Variants in TRPM4 observed in about 807,000 individuals in gnomAD.
TRPM4 encodes calcium-activated non-selective cation channel 1.
In TRPM4, 124 loss-of-function variants were observed where a neutral mutation model predicts 135.6. The observed-to-expected ratio is 0.91, with a 90% CI of 0.79 to 1.06. The LOEUF is 1.06. TRPM4 is among the 50% of genes least tolerant of loss of function. The probability of loss-of-function intolerance (pLI) is 0.00; values close to 1 mark genes in which losing one functional copy is unlikely to be tolerated. For synonymous variants in TRPM4, 745 were observed against 705.6 expected (o/e 1.06, Z -0.88); for missense variants, 1,658 against 1,671.4 (o/e 0.99, Z 0.14).
At position 49,168,706 on chromosome 19, in the gene TRPM4, T is replaced by C. The variant is rs1319689867; in HGVS notation, c.766T>C (p.Tyr256His). Residue 256 changes from tyrosine to histidine, a missense_variant, in exon 6 of 25, where the codon TAC (tyrosine) becomes CAC (histidine). Tyr to His is a moderately conservative substitution (Grantham distance 83). Transcript: ENST00000252826. ...ENRFRLRLES[Y>H]ISQQKTGVGG... is the part of the protein sequence containing the mutation. Reference sequence around the variant, plus strand: ...CCGCTTCCGCTTGCGCCTGGAGTCCTACATCTCACAGCAGAAGACGGGCGT... The same window carrying C: ...CCGCTTCCGCTTGCGCCTGGAGTCCCACATCTCACAGCAGAAGACGGGCGT... 6.2e-7 allele frequency: 1 copy of C among 1,605,164 alleles called. No individual in the cohort carries two copies. The highest frequency in any genetic ancestry group is 8.5e-7 in the Non-Finnish European group (1 of 1,176,524).
rs752543162 is a variant in TRPM4, at chr19:49,196,805, A to G, written c.2576A>G (p.Tyr859Cys). 1.3e-5 allele frequency: 21 copies of G among 1,584,898 alleles called. 1 individual carries two copies. The South Asian group carries it at 2.4e-4, about 18-fold the overall frequency. ...TCACTGAGCCAGCGCCTGCGCCTCTACCTCGCCGACAGCTGGAACCAGTGC... is the reference window on the plus strand; with the variant it reads ...TCACTGAGCCAGCGCCTGCGCCTCTGCCTCGCCGACAGCTGGAACCAGTGC... Reference protein sequence around the residue: ...HASLSQRLRLYLADSWNQCDL... With the variant: ...HASLSQRLRLCLADSWNQCDL... The change falls in exon 17 of 25, where the codon TAC becomes TGC. Residue 859 changes from tyrosine to cysteine, a missense_variant. Coordinates refer to ENST00000252826, the MANE Select transcript of TRPM4 (RefSeq NM_017636.4).
At chr19:49,173,380 CTCCATCCACCCATCT>C (rs995834979) in intron 9 of TRPM4, among the ~76,000 whole-genome samples, 1 of 152,092 alleles carries the variant, frequency 6.6e-6, no homozygotes, top group Non-Finnish European at 1.5e-5. Context: ...TCACTCATTC[CTCCATCCACCCATCT>C]TCCATCCATT....
chr19:49,158,234 T>C lies in TRPM4; in HGVS notation c.67T>C (p.Phe23Leu). ...KIFKKKTCTTFIVDSTDPGGT... is the reference protein window; with the variant it reads ...KIFKKKTCTTLIVDSTDPGGT... ...CTTCAAGAAGAAGACCTGCACGACG[T>C]TCATAGTTGACTCCACAGATCCGGG... is the stretch of plus-strand genomic sequence containing the variant. The change falls in exon 2 of 25, where the codon TTC (phenylalanine) becomes CTC (leucine). Residue 23 changes from phenylalanine to leucine, a missense_variant. Physicochemically the swap from Phe to Leu is conservative, Grantham distance 22. Transcript: ENST00000252826. 6.2e-7 allele frequency: 1 copy of C among 1,613,766 alleles called. No individual in the cohort carries two copies. The highest frequency in any genetic ancestry group is 8.5e-7 in the Non-Finnish European group (1 of 1,179,944).
chr19:49,199,926 C>T (rs541757617), intron 17 of TRPM4, among the ~76,000 whole-genome samples: 2 of 152,130 alleles, frequency 1.3e-5, no homozygotes, highest in East Asian at 1.9e-4. Context: ...GTGAATTGTA[C>T]GTGGTATCCT....
At position 49,168,250 on chromosome 19, in the gene TRPM4, G is replaced by T. The variant is rs78444754; in HGVS notation, c.449-10G>T. ...CCCCTGCCTCTGCATGTTCCTCGGC[G>T]TCTGTGTAGGAGCCTGGATTGTCAC... On this transcript the variant is annotated splice_polypyrimidine_tract_variant and intron_variant, in intron 4 of 24. Transcript: ENST00000252826. 6.2e-7 allele frequency: 1 copy of T among 1,613,898 alleles called. No homozygotes were observed.
At chr19:49,201,745 G>A (rs1249714426) in intron 19 of TRPM4, among the ~76,000 whole-genome samples, 3 of 152,074 alleles carry the variant, frequency 2.0e-5, no homozygotes, top group African/African-American at 7.2e-5. Context: ...CTACAGGCGC[G>A]TGCCACCACG....
intron 14 of TRPM4, among the ~76,000 whole-genome samples, chr19:49,189,965 A>G (rs1283189613): frequency 6.6e-6 from 1 of 152,176 alleles, no homozygotes; most frequent in Non-Finnish European, 1.5e-5. Context: ...CGGTGGACTA[A>G]TCTACATAAA....
intron 2 of TRPM4, among the ~76,000 whole-genome samples, chr19:49,162,050 A>C (rs1386269122): frequency 6.6e-6 from 1 of 152,200 alleles, no homozygotes; most frequent in Non-Finnish European, 1.5e-5. Context: ...AGCAAGAGAA[A>C]GCCACAAACA....
At chr19:49,190,811 C>T in intron 16 of TRPM4, 38 bp downstream of exon 16, 1 of 1,596,816 alleles carries the variant, frequency 6.3e-7, no homozygotes, top group Non-Finnish European at 8.6e-7. Context: ...GGTGGGGACA[C>T]CCTGGGCAGT....
In TRPM4 at chr19:49,196,687, T is replaced by C. The variant is rs1968658664; in HGVS notation, c.2458T>C (p.Trp820Arg). ...PGSLELLLYFWAFTLLCEELR... is the reference protein window; with the variant it reads ...PGSLELLLYFRAFTLLCEELR... ...CTCCCTGGAGCTGCTGCTCTATTTC[T>C]GGGCTTTCACGCTGCTGTGCGAGGA... Residue 820 changes from tryptophan to arginine, a missense_variant, in exon 17 of 25, where the codon TGG (tryptophan) becomes CGG (arginine). This residue lies in a region of TRPM4 where 1,412 missense variants were observed against 1,408.7 expected (regional missense o/e 1.00). Transcript: ENST00000252826. 2 of 1,551,224 alleles carry C rather than the reference T, an allele frequency of 1.3e-6. No individual in the cohort carries two copies. The highest frequency in any genetic ancestry group is 1.7e-6 in the Non-Finnish European group (2 of 1,153,862).
chr19:49,182,813 C>T lies in TRPM4; in HGVS notation c.1499C>T (p.Pro500Leu). 6.2e-7 allele frequency: 1 copy of T among 1,613,374 alleles called. No individual in the cohort carries two copies. Residue 500 changes from proline (P) to leucine (L), a missense_variant, in exon 11 of 25, where the codon CCC (proline) becomes CTC (leucine). Pro to Leu is a moderately conservative substitution (Grantham distance 98). Coordinates refer to ENST00000252826, the MANE Select transcript of TRPM4 (RefSeq NM_017636.4). The stretch of plus-strand genomic sequence containing the variant: ...AAAGGGGGAGCTGCGGAGCTCCGGC[C>T]CCCTGACGTGGGGCATGTGCTGAGG... Reference protein sequence around the residue: ...ALKGGAAELRPPDVGHVLRML... With the variant: ...ALKGGAAELRLPDVGHVLRML...
intron 9 of TRPM4, among the ~76,000 whole-genome samples, chr19:49,180,168 A>T (rs1036001957): frequency 5.3e-5 from 8 of 152,172 alleles, no homozygotes; most frequent in Non-Finnish European, 2.9e-5. Flanking sequence ...GAGCAAGTGG[A>T]GGCAGAAGGA....
intron 12 of TRPM4, among the ~76,000 whole-genome samples, chr19:49,183,464 T>G (rs565459742): frequency 1.3e-5 from 2 of 152,272 alleles, no homozygotes; most frequent in Admixed American, 6.5e-5. Context: ...TGGCGCAATC[T>G]TGGCTTACTG....
chr19:49,188,268 C>T (rs1968269779), intron 12 of TRPM4, among the ~76,000 whole-genome samples: 2 of 152,126 alleles, frequency 1.3e-5, no homozygotes, highest in South Asian at 4.1e-4. Flanking sequence ...TGATTTCTTT[C>T]ATTGTCATAA....
At chr19:49,166,567 T>C (rs1443533733) in intron 3 of TRPM4, among the ~76,000 whole-genome samples, 1 of 87,218 alleles carries the variant, frequency 1.1e-5, no homozygotes, top group African/African-American at 4.7e-5. Flanking sequence ...TGGGTCTCTG[T>C]CCCCCTCTCT....
In TRPM4 at chr19:49,168,747, G is replaced by A. The variant is rs771685892; in HGVS notation, c.796+11G>A. On this transcript the variant is annotated intron_variant, in intron 6 of 24. Coordinates refer to ENST00000252826, the MANE Select transcript of TRPM4 (RefSeq NM_017636.4). Reference sequence around the variant, plus strand: ...AGACGGGCGTGGGAGGTGAGTGGTCGAACCCATGACCCACAACCCACGACC... The same window carrying A: ...AGACGGGCGTGGGAGGTGAGTGGTCAAACCCATGACCCACAACCCACGACC... The A allele has an allele frequency of 2.8e-5, 45 of 1,578,998 alleles. No individual in the cohort carries two copies. Among genetic ancestry groups the A allele is most frequent in the Admixed American group, 2.2e-4 (12 of 54,300 alleles).
rs549445886 is a variant in TRPM4 at position 49,160,112 on chromosome 19, C to T, written c.92+1853C>T. Among the ~76,000 whole-genome samples, 3 of 152,234 alleles carry T rather than the reference C, an allele frequency of 2.0e-5. No homozygotes were observed. The South Asian group carries it at 6.2e-4, about 32-fold the overall frequency. ...GTGTTTGCTTAAGACTGGGAGGGGA[C>T]ACAAAATGTCACTAATGGTTTCTGG... On this transcript the variant is annotated intron_variant, in intron 2 of 24. Transcript: ENST00000252826.
At position 49,211,364 on chromosome 19, in the gene TRPM4, A is replaced by G. The variant is rs1258239071; in HGVS notation, c.3640+95A>G. 2 of 1,573,334 alleles carry G rather than the reference A, an allele frequency of 1.3e-6. No homozygotes were observed. The highest frequency in any genetic ancestry group is 1.4e-5 in the African/African-American group (1 of 73,880). Reference sequence around the variant, plus strand: ...GGCACCTTTCCAGTGTCCCTGGGTCACTCTCTTGGTCTCCTTTGAGCCTTT... The same window carrying G: ...GGCACCTTTCCAGTGTCCCTGGGTCGCTCTCTTGGTCTCCTTTGAGCCTTT... On this transcript the variant is annotated intron_variant, in intron 24 of 24. Coordinates refer to ENST00000252826, the MANE Select transcript of TRPM4 (RefSeq NM_017636.4). This position sits in a 1 kb window ranked among gnomAD's most constrained non-coding sequence, Gnocchi z 4.8.
intron 16 of TRPM4, among the ~76,000 whole-genome samples, chr19:49,193,919 T>TCTC (rs759573206): frequency 2.9e-5 from 4 of 139,634 alleles, no homozygotes; most frequent in Non-Finnish European, 6.2e-5. Context: ...TCATCCTCCT[T>TCTC]CTCCTCCTCC....
Sources: allele counts gnomAD v4.1 joint callset (sites outside exome capture counted in the v4.1 genomes callset), GRCh38; gene constraint gnomAD v4.1.1; regional missense constraint gnomAD v4.1.1; non-coding constraint Gnocchi (gnomAD v3.1); transcripts MANE v1.5; gene names NCBI Gene and HGNC (gene_info 2026-07-23, HGNC 2026-07-21).